Variants in CASK observed in about 807,000 individuals in gnomAD.
The protein encoded by CASK is calcium/calmodulin dependent serine protein kinase, also known as peripheral plasma membrane protein CASK.
CASK carries 4 observed loss-of-function variants against 82.9 expected under a neutral mutation model. The observed-to-expected ratio is 0.05, with a 90% confidence interval of 0.02 to 0.11. The LOEUF (loss-of-function observed/expected upper bound fraction) is 0.11, where lower values mean the gene tolerates loss of function less well. Among genes scored for constraint, CASK ranks in the 10% least tolerant of loss-of-function variants. The probability of loss-of-function intolerance (pLI) is 1.00; values close to 1 mark genes in which losing one functional copy is unlikely to be tolerated. For synonymous variants in CASK, 259 were observed against 253.5 expected (o/e 1.02, Z -0.20); for missense variants, 358 against 720.9 (o/e 0.50, Z 5.76).
chrX:41,768,451 CGTGT>C (rs951199007), intron 3 of CASK, among the ~76,000 whole-genome samples: 1 of 109,568 alleles, frequency 9.1e-6, no homozygotes, highest in Non-Finnish European at 1.9e-5. Flanking sequence ...TGTATGTGTG[CGTGT>C]GTGTACATAT....
At chrX:41,530,933 C>T (rs1322506018) in intron 25 of CASK, 74 bp downstream of exon 25, 2 of 944,638 alleles carry the variant, frequency 2.1e-6, no homozygotes, top group East Asian at 6.2e-5. Context: ...TTTCTGATGG[C>T]ATTTTTGATT....
intron 22 of CASK, 44 bp downstream of exon 22, chrX:41,542,647 G>C (rs2064962722): frequency 1.2e-6 from 1 of 828,104 alleles, no homozygotes; most frequent in African/African-American, 2.0e-5. Context: ...TTAGGTCTTG[G>C]AGATGCTTAA....
chrX:41,599,177 A>G (rs772812297), intron 12 of CASK, among the ~76,000 whole-genome samples: 1 of 111,824 alleles, frequency 8.9e-6, no homozygotes, highest in Non-Finnish European at 1.9e-5. Flanking sequence ...GTAATGGACA[A>G]CTGCTTACTG....
At position 41,793,703 on chromosome X, in the gene CASK, T is replaced by C. The variant is rs184332797; in HGVS notation, c.173-6420A>G. 8.4e-4 allele frequency among the ~76,000 whole-genome samples: 94 copies of C among 112,140 alleles called. No individual in the cohort carries two copies. The East Asian group carries it at 0.025, about 30-fold the overall frequency. On this transcript the variant is annotated intron_variant, in intron 2 of 26. Transcript: ENST00000378163. ...AAGAACTAGGACAAGTACTAATGTG[T>C]TCATTTCAATAAATATTAATAACAA...
intron 2 of CASK, among the ~76,000 whole-genome samples, chrX:41,830,617 G>A (rs1408202240): frequency 1.6e-4 from 17 of 107,549 alleles, no homozygotes; most frequent in African/African-American, 5.1e-4. Context: ...TCAGTAGATC[G>A]AGACCATCCT....
chrX:41,546,722 C>T (rs1205600298), intron 21 of CASK, among the ~76,000 whole-genome samples: 2 of 110,943 alleles, frequency 1.8e-5, no homozygotes, highest in African/African-American at 6.6e-5. Flanking sequence ...AAGTGATCCG[C>T]CCACCTCGGC....
At chrX:41,648,763 A>G (rs914887614) in intron 8 of CASK, among the ~76,000 whole-genome samples, 7 of 111,787 alleles carry the variant, frequency 6.3e-5, no homozygotes, top group African/African-American at 2.0e-4. Context: ...GATGATGCTG[A>G]CCTCATAAAA....
At chrX:41,779,192 T>G (rs895820975) in intron 3 of CASK, among the ~76,000 whole-genome samples, 1 of 111,958 alleles carries the variant, frequency 8.9e-6, no homozygotes, top group Non-Finnish European at 1.9e-5. Context: ...ACACCTGCTT[T>G]CTTTCTGGGA....
At chrX:41,642,756 A>G (rs1167242582) in intron 8 of CASK, among the ~76,000 whole-genome samples, 3 of 111,765 alleles carry the variant, frequency 2.7e-5, no homozygotes, top group Non-Finnish European at 5.6e-5. Context: ...GCTTAATTAG[A>G]TCCCATTTGT....
At chrX:41,897,636 G>A (rs1244730551) in intron 1 of CASK, among the ~76,000 whole-genome samples, 1 of 111,088 alleles carries the variant, frequency 9.0e-6, no homozygotes, top group African/African-American at 3.3e-5. Context: ...AGCTCAAAGG[G>A]ACTTTAGAAA....
In CASK at chrX:41,922,881, C is replaced by T. The variant is rs755595489; in HGVS notation, c.59+49G>A. 6.1e-6 allele frequency: 7 copies of T among 1,143,483 alleles called. No homozygotes were observed. The Admixed American group carries it at 1.5e-4, about 25-fold the overall frequency. 94.2% of individuals were successfully genotyped at this position (1,143,483 alleles called of 1,213,427 possible). ...AGCGGGTGCGGGAAGACCGGGGCAT[C>T]ACTGAAATGCATTTTTCCACACTCC... On this transcript the variant is annotated intron_variant, in intron 1 of 26. Coordinates refer to ENST00000378163, the MANE Select transcript of CASK (RefSeq NM_001367721.1).
At chrX:41,667,695 G>T (rs1031346456) in intron 6 of CASK, among the ~76,000 whole-genome samples, 1 of 111,361 alleles carries the variant, frequency 9.0e-6, no homozygotes, top group African/African-American at 3.3e-5. Context: ...AAGTAGCTGG[G>T]ATTACAGGTG....
chrX:41,621,419 C>T (rs1265903529), intron 11 of CASK, among the ~76,000 whole-genome samples: 1 of 112,172 alleles, frequency 8.9e-6, no homozygotes, highest in Non-Finnish European at 1.9e-5. Flanking sequence ...TTTTATCTTT[C>T]GTGCTGGGAA....
chrX:41,909,644 G>A (rs1446513808), intron 1 of CASK, among the ~76,000 whole-genome samples: 2 of 109,346 alleles, frequency 1.8e-5, no homozygotes, highest in Non-Finnish European at 3.8e-5. Flanking sequence ...TCGCTCTATC[G>A]CCCAGGCTGG....
chrX:41,816,674 G>C (rs1601863072), intron 2 of CASK, among the ~76,000 whole-genome samples: 1 of 108,657 alleles, frequency 9.2e-6, no homozygotes, highest in South Asian at 3.9e-4. Flanking sequence ...GATAAAGAAA[G>C]GTAACATCAC....
intron 8 of CASK, among the ~76,000 whole-genome samples, chrX:41,640,735 G>T (rs1300731069): frequency 1.8e-5 from 2 of 110,686 alleles, no homozygotes; most frequent in Non-Finnish European, 1.9e-5. Flanking sequence ...TCTTATTATT[G>T]AGTTTTGAGA....
intron 5 of CASK, among the ~76,000 whole-genome samples, chrX:41,704,412 A>C (rs887003225): frequency 8.9e-6 from 1 of 112,274 alleles, no homozygotes; most frequent in African/African-American, 3.2e-5. Flanking sequence ...AATGTTTTCT[A>C]AGAGTTCAAC....
chrX:41,758,441 A>G (rs1241046985), intron 3 of CASK, among the ~76,000 whole-genome samples: 6 of 109,144 alleles, frequency 5.5e-5, no homozygotes, highest in African/African-American at 2.0e-4. Flanking sequence ...ATCTCAAAAA[A>G]AAAAAAAAAA....
At chrX:41,638,309 A>G (rs1331189555) in intron 8 of CASK, among the ~76,000 whole-genome samples, 1 of 111,281 alleles carries the variant, frequency 9.0e-6, no homozygotes, top group Non-Finnish European at 1.9e-5. Context: ...TCATACCTGT[A>G]ATCCCAGCAC....
Sources: allele counts gnomAD v4.1 joint callset (sites outside exome capture counted in the v4.1 genomes callset), GRCh38; gene constraint gnomAD v4.1.1; transcripts MANE v1.5; gene names NCBI Gene and HGNC (gene_info 2026-07-23, HGNC 2026-07-21).